The following MACROD2 variants were observed in gnomAD, a reference collection of about 807,000 sequenced individuals.
The protein encoded by MACROD2 is ADP-ribose glycohydrolase MACROD2.
MACROD2 carries 36 observed loss-of-function variants against 70.4 expected under a neutral mutation model. The ratio of observed to expected loss-of-function variants is 0.51; its 90% confidence interval spans 0.39 to 0.68. The LOEUF is 0.68. Among genes scored for constraint, MACROD2 ranks in the 30% least tolerant of loss-of-function variants. MACROD2 has a pLI of 0.00. For synonymous variants in MACROD2, 172 were observed against 178.8 expected (o/e 0.96, Z 0.30); for missense variants, 496 against 538.4 (o/e 0.92, Z 0.78).
intron 6 of MACROD2, among the ~76,000 whole-genome samples, chr20:15,410,018 A>AT (rs2046055181): frequency 6.6e-6 from 1 of 152,162 alleles, no homozygotes; most frequent in African/African-American, 2.4e-5. Flanking sequence ...CTTGGTCTGG[A>AT]TTTATTCCTC....
chr20:15,057,474 C>T (rs13040950), intron 5 of MACROD2, among the ~76,000 whole-genome samples: 2,725 of 152,242 alleles, frequency 0.018, 35 homozygotes, highest in Middle Eastern at 0.044. Flanking sequence ...ATGAGCAGGC[C>T]AAGCTGCATC....
intron 5 of MACROD2, among the ~76,000 whole-genome samples, chr20:14,995,126 C>T (rs2074938388): frequency 6.6e-6 from 1 of 151,724 alleles, no homozygotes; most frequent in African/African-American, 2.4e-5. Context: ...TTTTAGTAAC[C>T]AACTGTGTAC....
intron 3 of MACROD2, among the ~76,000 whole-genome samples, chr20:14,219,943 G>A (rs1285952605): frequency 6.6e-6 from 1 of 152,194 alleles, no homozygotes; most frequent in African/African-American, 2.4e-5. Context: ...GGTGGGGGGT[G>A]CAATGGACTC....
At chr20:15,395,406 C>A (rs1259515276) in intron 6 of MACROD2, among the ~76,000 whole-genome samples, 2 of 152,034 alleles carry the variant, frequency 1.3e-5, no homozygotes, top group Non-Finnish European at 2.9e-5. Flanking sequence ...TTTAAAAATT[C>A]TATAATTATA....
chr20:15,588,529 C>T (rs558641474), intron 8 of MACROD2, among the ~76,000 whole-genome samples: 3 of 152,126 alleles, frequency 2.0e-5, no homozygotes, highest in Non-Finnish European at 4.4e-5. Flanking sequence ...ATTTTCCAAA[C>T]GTTTATGCTC....
At chr20:15,741,273 T>TC (rs71190197) in intron 8 of MACROD2, among the ~76,000 whole-genome samples, 1 of 150,506 alleles carries the variant, frequency 6.6e-6, no homozygotes, top group African/African-American at 2.5e-5. Flanking sequence ...TTTTTTTTTT[T>TC]GTATTTTAGT....
intron 5 of MACROD2, among the ~76,000 whole-genome samples, chr20:15,167,585 C>A (rs76846567): frequency 0.052 from 7,848 of 152,286 alleles, 273 homozygotes; most frequent in Middle Eastern, 0.088. Flanking sequence ...CTCCCCTGCT[C>A]TCATTATCTA....
chr20:14,533,086 CAGG>C (rs1023674787), intron 4 of MACROD2, among the ~76,000 whole-genome samples: 10 of 151,868 alleles, frequency 6.6e-5, no homozygotes, highest in African/African-American at 2.4e-4. Flanking sequence ...TTCCAAAAAA[CAGG>C]AGATTTCACA....
chr20:14,814,901 G>A (rs1198807819), intron 5 of MACROD2, among the ~76,000 whole-genome samples: 1 of 149,792 alleles, frequency 6.7e-6, no homozygotes, highest in African/African-American at 2.4e-5. Context: ...ACAGATGAAA[G>A]GACATGCATT....
chr20:14,374,001 A>T (rs1192627215), intron 3 of MACROD2, among the ~76,000 whole-genome samples: 1 of 152,178 alleles, frequency 6.6e-6, no homozygotes, highest in Admixed American at 6.6e-5. Context: ...TTATCATCTT[A>T]TCACTTTATC....
chr20:15,639,911 G>A (rs1333559176), intron 8 of MACROD2, among the ~76,000 whole-genome samples: 8 of 151,776 alleles, frequency 5.3e-5, no homozygotes, highest in Non-Finnish European at 1.0e-4. Flanking sequence ...AGGACAGGGA[G>A]AGAAGGAGAG....
chr20:14,752,197 T>A (rs1358275940), intron 5 of MACROD2, among the ~76,000 whole-genome samples: 1 of 151,864 alleles, frequency 6.6e-6, no homozygotes, highest in Non-Finnish European at 1.5e-5. Flanking sequence ...TTCCCTTAGT[T>A]TCAAAACCAT....
chr20:14,897,064 G>A (rs1265361649), intron 5 of MACROD2, among the ~76,000 whole-genome samples: 1 of 152,156 alleles, frequency 6.6e-6, no homozygotes, highest in African/African-American at 2.4e-5. Flanking sequence ...ACTAACCACA[G>A]AGCCTGGAGT....
intron 8 of MACROD2, among the ~76,000 whole-genome samples, chr20:15,579,025 A>G (rs1252419073): frequency 6.6e-6 from 1 of 152,216 alleles, no homozygotes; most frequent in Non-Finnish European, 1.5e-5. Context: ...TTCAAGTCAA[A>G]CACTACATAT....
chr20:15,102,335 C>T lies in MACROD2; in HGVS notation c.419-127605C>T, dbSNP rs150715780. On this transcript the variant is annotated intron_variant, in intron 5 of 17. Coordinates refer to ENST00000684519, the MANE Select transcript of MACROD2 (RefSeq NM_001351661.2). ...GTGAATAAAGAGGGACTCTCATGTC[C>T]CTGGAGAAAGTTTAACTAGTAGAAA... 2.1e-3 allele frequency among the ~76,000 whole-genome samples: 321 copies of T among 151,930 alleles called. 1 individual carries two copies. Among genetic ancestry groups the T allele is most frequent in the African/African-American group, 7.3e-3 (303 of 41,504 alleles).
intron 3 of MACROD2, among the ~76,000 whole-genome samples, chr20:14,292,793 C>T (rs898933834): frequency 2.0e-5 from 3 of 151,702 alleles, no homozygotes; most frequent in African/African-American, 7.3e-5. Context: ...TGCCACCACG[C>T]CCAGCTAATT....
intron 8 of MACROD2, among the ~76,000 whole-genome samples, chr20:15,555,418 C>A (rs1374701368): frequency 6.6e-6 from 1 of 152,114 alleles, no homozygotes; most frequent in Non-Finnish European, 1.5e-5. Context: ...GTTTAATACA[C>A]TTTTAAAGCC....
intron 8 of MACROD2, among the ~76,000 whole-genome samples, chr20:15,783,119 G>A (rs577212106): frequency 1.4e-4 from 22 of 152,066 alleles, no homozygotes; most frequent in Admixed American, 2.6e-4. Flanking sequence ...TATGTGGCTT[G>A]TTTATTTTTC....
At chr20:15,806,046 A>G (rs1205548879) in intron 8 of MACROD2, among the ~76,000 whole-genome samples, 1 of 152,228 alleles carries the variant, frequency 6.6e-6, no homozygotes, top group East Asian at 1.9e-4. Flanking sequence ...AGACCCTGTG[A>G]AACCTCTGGA....
Sources: allele counts gnomAD v4.1 joint callset (sites outside exome capture counted in the v4.1 genomes callset), GRCh38; gene constraint gnomAD v4.1.1; transcripts MANE v1.5; gene names NCBI Gene and HGNC (gene_info 2026-07-23, HGNC 2026-07-21).